Variants in CTNNA3 observed in about 807,000 individuals in gnomAD.
CTNNA3 encodes catenin alpha-3.
CTNNA3 carries 76 observed loss-of-function variants against 95.7 expected under a neutral mutation model. The ratio of observed to expected loss-of-function variants is 0.79; its 90% confidence interval spans 0.66 to 0.96. The LOEUF (loss-of-function observed/expected upper bound fraction) is 0.96, where lower values mean the gene tolerates loss of function less well. CTNNA3 is among the 40% of genes least tolerant of loss of function. CTNNA3 has a pLI of 0.00. For missense variants in CTNNA3, 1,191 were observed against 1,089.8 expected, an observed-to-expected ratio of 1.09 and a Z score of -1.31; for synonymous variants, 431 against 374.4, an observed-to-expected ratio of 1.15 and a Z score of -1.74.
chr10:66,505,557 C>T (rs1305964923), intron 11 of CTNNA3, among the ~76,000 whole-genome samples: 1 of 151,974 alleles, frequency 6.6e-6, no homozygotes, highest in Non-Finnish European at 1.5e-5. Context: ...TCATCACTGG[C>T]CTGTCCTGAC....
intron 11 of CTNNA3, among the ~76,000 whole-genome samples, chr10:66,463,457 T>G (rs114405176): frequency 2.0e-4 from 30 of 152,234 alleles, no homozygotes; most frequent in African/African-American, 6.7e-4. Context: ...TAAACCTCTT[T>G]CTTTATCAAT....
chr10:66,664,075 T>C (rs141657611), intron 9 of CTNNA3, among the ~76,000 whole-genome samples: 1 of 152,172 alleles, frequency 6.6e-6, no homozygotes, highest in Non-Finnish European at 1.5e-5. Flanking sequence ...CTGCCAAATG[T>C]CTTCTGTACT....
chr10:65,931,294 T>C (rs1373405141), intron 17 of CTNNA3, among the ~76,000 whole-genome samples: 1 of 152,214 alleles, frequency 6.6e-6, no homozygotes, highest in Admixed American at 6.5e-5. Context: ...TCTCGTAGTC[T>C]CATTTAACTG....
rs1024003551 is a variant in CTNNA3 at position 67,280,052 on chromosome 10, C to T, written c.580-60182G>A. Among the ~76,000 whole-genome samples, 8 of 149,970 alleles carry T rather than the reference C, an allele frequency of 5.3e-5. 1 individual carries two copies. The highest frequency in any genetic ancestry group is 2.0e-4 in the African/African-American group (8 of 40,406). On this transcript the variant is annotated intron_variant, in intron 5 of 17. Transcript: ENST00000433211. ...ATTGTAGGAGTCCAGAGAACAATAC[C>T]CCAAAGTATGGTGCTTTGGCATGCT...
At chr10:67,267,541 A>G (rs1866879782) in intron 5 of CTNNA3, among the ~76,000 whole-genome samples, 1 of 151,666 alleles carries the variant, frequency 6.6e-6, no homozygotes, top group South Asian at 2.1e-4. Context: ...ATTTTTTTGT[A>G]TTTTTTAGTA....
At chr10:66,414,516 G>A (rs2093131453) in intron 11 of CTNNA3, among the ~76,000 whole-genome samples, 1 of 152,084 alleles carries the variant, frequency 6.6e-6, no homozygotes, top group Admixed American at 6.5e-5. Flanking sequence ...AATACTCTCA[G>A]GCCATGAAAC....
intron 3 of CTNNA3, among the ~76,000 whole-genome samples, chr10:67,585,465 G>T (rs1242832699): frequency 6.6e-6 from 1 of 151,986 alleles, no homozygotes; most frequent in Non-Finnish European, 1.5e-5. Context: ...TCTGGTCCTG[G>T]GCTTTTCTTT....
At chr10:67,012,030 A>G (rs1432094118) in intron 7 of CTNNA3, among the ~76,000 whole-genome samples, 1 of 152,192 alleles carries the variant, frequency 6.6e-6, no homozygotes, top group African/African-American at 2.4e-5. Context: ...ATATATGAGG[A>G]AACAGAAACT....
At chr10:67,130,353 C>G (rs565461132) in intron 7 of CTNNA3, among the ~76,000 whole-genome samples, 1 of 152,138 alleles carries the variant, frequency 6.6e-6, no homozygotes, top group South Asian at 2.1e-4. Flanking sequence ...GGAGAAGCCA[C>G]CCTCTATGAG....
chr10:66,173,473 C>A (rs535275353), intron 13 of CTNNA3, among the ~76,000 whole-genome samples: 2 of 151,812 alleles, frequency 1.3e-5, no homozygotes, highest in South Asian at 4.2e-4. Context: ...TTGCTTGAAC[C>A]CAGGAGTTTG....
chr10:67,653,940 C>A (rs958047764), intron 1 of CTNNA3, among the ~76,000 whole-genome samples: 6 of 152,168 alleles, frequency 3.9e-5, no homozygotes, highest in Non-Finnish European at 7.3e-5. Context: ...TTCGTGGAAT[C>A]CATCCTTCCA....
chr10:66,197,597 T>C (rs1238254240), intron 13 of CTNNA3, among the ~76,000 whole-genome samples: 1 of 152,210 alleles, frequency 6.6e-6, no homozygotes, highest in Non-Finnish European at 1.5e-5. Flanking sequence ...CATTAATTAG[T>C]AATATAAATC....
At chr10:66,699,277 T>G (rs1171408093) in intron 9 of CTNNA3, among the ~76,000 whole-genome samples, 1 of 152,192 alleles carries the variant, frequency 6.6e-6, no homozygotes, top group Non-Finnish European at 1.5e-5. Context: ...ATTTTTAATT[T>G]TTTGAGGAAG....
intron 11 of CTNNA3, among the ~76,000 whole-genome samples, chr10:66,520,250 T>A (rs1449570387): frequency 7.6e-6 from 1 of 131,540 alleles, no homozygotes; most frequent in African/African-American, 3.0e-5. Context: ...TTATTCTTTT[T>A]TTTTTTTTTT....
intron 12 of CTNNA3, among the ~76,000 whole-genome samples, chr10:66,366,099 T>A (rs867506607): frequency 6.6e-6 from 1 of 152,108 alleles, no homozygotes; most frequent in African/African-American, 2.4e-5. Flanking sequence ...GCAGCATAAA[T>A]AACTAATATG....
At chr10:66,913,143 G>T (rs912158000) in intron 7 of CTNNA3, among the ~76,000 whole-genome samples, 10 of 147,532 alleles carry the variant, frequency 6.8e-5, no homozygotes, top group Admixed American at 4.2e-4. Flanking sequence ...GGAGGCTGAG[G>T]CAGGAGAATG....
chr10:67,046,912 TAAAG>T (rs989086426), intron 7 of CTNNA3, among the ~76,000 whole-genome samples: 1 of 152,164 alleles, frequency 6.6e-6, no homozygotes, highest in Admixed American at 6.5e-5. Context: ...ATTGATGACT[TAAAG>T]AAGAAGAGGT....
At chr10:66,990,447 C>G (rs1234570102) in intron 7 of CTNNA3, among the ~76,000 whole-genome samples, 1 of 152,162 alleles carries the variant, frequency 6.6e-6, no homozygotes, top group Non-Finnish European at 1.5e-5. Flanking sequence ...TATGGAATTT[C>G]TAATCACCAT....
chr10:66,786,803 A>C (rs533313574), intron 7 of CTNNA3, among the ~76,000 whole-genome samples: 3 of 152,308 alleles, frequency 2.0e-5, no homozygotes, highest in African/African-American at 7.2e-5. Context: ...GAGTTTGTTA[A>C]GAAATATGTA....
Sources: allele counts gnomAD v4.1 joint callset (sites outside exome capture counted in the v4.1 genomes callset), GRCh38; gene constraint gnomAD v4.1.1; transcripts MANE v1.5; gene names NCBI Gene and HGNC (gene_info 2026-07-23, HGNC 2026-07-21).